Variants in FRAS1 observed in about 807,000 individuals in gnomAD.
FRAS1 encodes Fraser extracellular matrix complex subunit 1.
A neutral mutation model predicts 435.2 loss-of-function variants in FRAS1; 290 were observed. The ratio of observed to expected loss-of-function variants is 0.67; its 90% CI spans 0.61 to 0.73. The LOEUF (loss-of-function observed/expected upper bound fraction) is 0.73, where lower values mean the gene tolerates loss of function less well. Among genes scored for constraint, FRAS1 ranks in the 30% least tolerant of loss-of-function variants. The pLI, the probability that FRAS1 is intolerant of heterozygous loss-of-function variation, is 0.00. For missense variants in FRAS1, 4,860 were observed against 5,001.5 expected (o/e 0.97, Z 0.85); for synonymous variants, 1,800 against 1,851.0 (o/e 0.97, Z 0.71).
chr4:78,464,627 C>G, intron 49 of FRAS1, 44 bp downstream of exon 49: 1 of 1,604,960 alleles, frequency 6.2e-7, no homozygotes, highest in Non-Finnish European at 8.5e-7. Context: ...AAATGAGAGG[C>G]TGACCTGGTG....
At chr4:78,373,960 C>A (rs1229506319) in intron 24 of FRAS1, 151 bp from the exon 25 acceptor site, 3 of 570,510 alleles carry the variant, frequency 5.3e-6, no homozygotes, top group Non-Finnish European at 5.6e-6. Flanking sequence ...ATAGTGACAA[C>A]CAGAACCCAG....
At chr4:78,418,381 C>G (rs1293759896) in intron 32 of FRAS1, among the ~76,000 whole-genome samples, 1 of 152,088 alleles carries the variant, frequency 6.6e-6, no homozygotes, top group African/African-American at 2.4e-5. Flanking sequence ...AACTGGGGAC[C>G]TGGGGGACAA....
chr4:78,479,475 A>G lies in FRAS1; in HGVS notation c.8200A>G (p.Arg2734Gly). 6.2e-7 allele frequency: 1 copy of G among 1,611,122 alleles called. No individual in the cohort carries two copies. The highest frequency in any genetic ancestry group is 8.5e-7 in the Non-Finnish European group (1 of 1,177,872). The part of the protein sequence containing the change: ...ALESGSDFKS[R>G]GMSAASRVIF... The stretch of plus-strand genomic sequence containing the variant: ...AGAATCAGGCTCTGATTTTAAATCT[A>G]GAGGGATGTCTGCCGCGAGTCGTGT... The change falls in exon 56 of 74, where the codon AGA becomes GGA. Residue 2734 changes from arginine to glycine, a missense_variant. Physicochemically the swap from Arg to Gly is moderately radical, Grantham distance 125. Transcript: ENST00000512123.
intron 20 of FRAS1, among the ~76,000 whole-genome samples, chr4:78,357,114 T>C (rs914548444): frequency 6.6e-6 from 1 of 152,182 alleles, no homozygotes; most frequent in Non-Finnish European, 1.5e-5. Context: ...TGGAACCCTT[T>C]CCAAACATTC....
chr4:78,463,460 G>C (rs1719432951), intron 47 of FRAS1, among the ~76,000 whole-genome samples: 1 of 152,188 alleles, frequency 6.6e-6, no homozygotes, highest in Admixed American at 6.5e-5. Context: ...TGGCTAAAGT[G>C]GGATGGGAGA....
chr4:78,522,569 T>C, intron 68 of FRAS1, 80 bp from the exon 69 acceptor site: 1 of 1,232,324 alleles, frequency 8.1e-7, no homozygotes, highest in Non-Finnish European at 1.1e-6. Context: ...TTCTCAGGCT[T>C]TTGTGGGGCT....
chr4:78,435,483 A>T (rs1235646610), intron 38 of FRAS1, among the ~76,000 whole-genome samples: 2 of 152,186 alleles, frequency 1.3e-5, no homozygotes, highest in African/African-American at 4.8e-5. Context: ...TCATGCCTGT[A>T]ATCCCAGCAC....
intron 29 of FRAS1, among the ~76,000 whole-genome samples, chr4:78,393,814 T>A (rs994141755): frequency 8.5e-5 from 13 of 152,054 alleles, no homozygotes; most frequent in Non-Finnish European, 1.6e-4. Context: ...AGTTTGTTTT[T>A]AAGTTTTTGA....
At chr4:78,488,453 A>G (rs994110358) in intron 58 of FRAS1, among the ~76,000 whole-genome samples, 11 of 152,252 alleles carry the variant, frequency 7.2e-5, no homozygotes, top group Middle Eastern at 6.8e-3. Context: ...ATTTAGCACC[A>G]GATTTGCACT....
intron 2 of FRAS1, among the ~76,000 whole-genome samples, chr4:78,152,506 G>A (rs1720708127): frequency 6.6e-6 from 1 of 151,042 alleles, no homozygotes; most frequent in Non-Finnish European, 1.5e-5. Context: ...GCATCAAGTT[G>A]TGTACATGTA....
rs902279994 is a variant in FRAS1 at position 78,543,915 on chromosome 4, G to C, written c.*2791G>C. On this transcript the variant is annotated 3_prime_UTR_variant, in exon 74 of 74. Transcript: ENST00000512123. ...TACTACTTGCTTTTATATGCTGGCT[G>C]TGAAGGTTAAAAGAAAGAATGGTCT... is the stretch of plus-strand genomic sequence containing the variant. The C allele has an allele frequency of 6.7e-6, 1 of 149,048 alleles. No homozygotes were observed. The highest frequency in any genetic ancestry group is 2.5e-5 in the African/African-American group (1 of 40,154). The allele number at this position is 149,048 out of a possible 1,614,324, so 9.2% of individuals were successfully genotyped here.
At chr4:78,091,732 C>T (rs1422851993) in intron 2 of FRAS1, among the ~76,000 whole-genome samples, 1 of 151,636 alleles carries the variant, frequency 6.6e-6, no homozygotes, top group East Asian at 1.9e-4. Flanking sequence ...GTCATAGTGC[C>T]CTACAGCCCG....
chr4:78,181,752 C>A, intron 2 of FRAS1: 1 of 1,610,210 alleles, frequency 6.2e-7, no homozygotes. Context: ...TTAAGCGCCA[C>A]GGGCGGCTGC....
At chr4:78,092,330 G>T (rs1222257080) in intron 2 of FRAS1, among the ~76,000 whole-genome samples, 1 of 152,172 alleles carries the variant, frequency 6.6e-6, no homozygotes, top group Non-Finnish European at 1.5e-5. Flanking sequence ...AGACATACCC[G>T]AGACAGGGCA....
At chr4:78,070,540 A>G (rs1163777073) in intron 2 of FRAS1, 1 of 152,200 alleles carries the variant, frequency 6.6e-6, no homozygotes, top group African/African-American at 2.4e-5. Context: ...TTCTTACTCC[A>G]TAATACCCAT....
At chr4:78,372,169 G>A (rs1259276348) in intron 23 of FRAS1, among the ~76,000 whole-genome samples, 1 of 152,190 alleles carries the variant, frequency 6.6e-6, no homozygotes, top group Non-Finnish European at 1.5e-5. Flanking sequence ...TTTCTGGACA[G>A]CACCTTTATG....
At position 78,469,214 on chromosome 4, in the gene FRAS1, T is replaced by C. The variant is rs370958180; in HGVS notation, c.7258-764T>C. The stretch of plus-strand genomic sequence containing the variant: ...GACGATGTCATTTAAAAAATGGAAA[T>C]TATTTAGAAGGTGGCTTGTGGGAGA... On this transcript the variant is annotated intron_variant, in intron 50 of 73. Coordinates refer to ENST00000512123, the MANE Select transcript of FRAS1 (RefSeq NM_025074.7). Among the ~76,000 whole-genome samples, 34 of 152,296 alleles carry C rather than the reference T, an allele frequency of 2.2e-4. 1 individual carries two copies. Among genetic ancestry groups the C allele is most frequent in the East Asian group, 2.1e-3 (11 of 5,186 alleles).
rs781132528 is a variant in FRAS1, at chr4:78,464,539, A to C, written c.6985A>C (p.Thr2329Pro). 6.2e-7 allele frequency: 1 copy of C among 1,613,930 alleles called. No individual in the cohort carries two copies. Among genetic ancestry groups the C allele is most frequent in the Non-Finnish European group, 8.5e-7 (1 of 1,179,848 alleles). The part of the protein sequence containing the change: ...GMRVQEGMRK[T>P]ITEFELKAVD... ...GCGGGTGCAGGAGGGCATGAGGAAG[A>C]CCATCACAGAGTTTGAGCTTAAGGC... is the stretch of plus-strand genomic sequence containing the variant. Residue 2329 changes from threonine to proline, a missense_variant, in exon 49 of 74, where the codon ACC becomes CCC. Physicochemically the swap from Thr to Pro is conservative, Grantham distance 38. Transcript: ENST00000512123.
intron 2 of FRAS1, among the ~76,000 whole-genome samples, chr4:78,075,627 T>C (rs1242436613): frequency 6.6e-6 from 1 of 152,202 alleles, no homozygotes; most frequent in African/African-American, 2.4e-5. Context: ...TCTGGGCAAG[T>C]TACTTACCTT....
Sources: allele counts gnomAD v4.1 joint callset (sites outside exome capture counted in the v4.1 genomes callset), GRCh38; gene constraint gnomAD v4.1.1; transcripts MANE v1.5; gene names NCBI Gene and HGNC (gene_info 2026-07-23, HGNC 2026-07-21).